Variants in TSHZ2 observed in about 807,000 individuals in gnomAD.
The protein encoded by TSHZ2 is teashirt zinc finger homeobox 2.
A neutral mutation model predicts 74.4 loss-of-function variants in TSHZ2; 21 were observed. That is an observed-to-expected ratio of 0.28 (90% CI 0.20 to 0.41). TSHZ2 has a LOEUF of 0.41. Ranked by LOEUF, TSHZ2 falls within the 10% of genes least tolerant of loss-of-function variation. The pLI is 1.00. For synonymous variants in TSHZ2, 540 were observed against 515.3 expected (o/e 1.05, Z -0.65); for missense variants, 1,244 against 1,293.5 (o/e 0.96, Z 0.59).
chr20:53,027,249 T>C (rs1983479200), intron 1 of TSHZ2, among the ~76,000 whole-genome samples: 1 of 152,218 alleles, frequency 6.6e-6, no homozygotes, highest in Non-Finnish European at 1.5e-5. Context: ...TTAAAATATA[T>C]GCATATGTAT....
At chr20:53,210,724 G>A (rs548595479) in intron 1 of TSHZ2, among the ~76,000 whole-genome samples, 101 of 152,104 alleles carry the variant, frequency 6.6e-4, no homozygotes, top group Non-Finnish European at 8.1e-4. Context: ...GGCTTGATGG[G>A]GGGGCTCTTT....
chr20:52,973,451 G>C (rs1981207668), intron 1 of TSHZ2, 118 bp downstream of exon 1: 13 of 1,337,020 alleles, frequency 9.7e-6, no homozygotes, highest in Non-Finnish European at 1.2e-5. Flanking sequence ...GTTTGCGCCG[G>C]GTGCCCTTCT....
At chr20:53,096,331 C>T (rs573059026) in intron 1 of TSHZ2, among the ~76,000 whole-genome samples, 27 of 152,122 alleles carry the variant, frequency 1.8e-4, no homozygotes, top group Non-Finnish European at 2.8e-4. Flanking sequence ...TTAGTAGAGA[C>T]GGGGTTTCAC....
chr20:53,422,196 A>C (rs1983501021), intron 2 of TSHZ2, among the ~76,000 whole-genome samples: 3 of 152,230 alleles, frequency 2.0e-5, no homozygotes, highest in Non-Finnish European at 4.4e-5. Flanking sequence ...GGTCATATCC[A>C]CAAAGCAAGC....
intron 2 of TSHZ2, among the ~76,000 whole-genome samples, chr20:53,472,900 G>A (rs187078567): frequency 3.4e-4 from 51 of 152,120 alleles, no homozygotes; most frequent in African/African-American, 1.2e-3. Context: ...GGTGACGGAC[G>A]GCACCTGGAA....
At chr20:53,221,829 A>G (rs1247103966) in intron 1 of TSHZ2, among the ~76,000 whole-genome samples, 1 of 152,232 alleles carries the variant, frequency 6.6e-6, no homozygotes, top group African/African-American at 2.4e-5. Flanking sequence ...GATGAAGCTA[A>G]GCCAGAATTT....
At chr20:53,424,885 G>T (rs1275732804) in intron 2 of TSHZ2, among the ~76,000 whole-genome samples, 1 of 152,136 alleles carries the variant, frequency 6.6e-6, no homozygotes, top group Non-Finnish European at 1.5e-5. Context: ...TCCCTGGAAA[G>T]GACATGATCT....
At chr20:53,393,037 C>T (rs535856476) in intron 2 of TSHZ2, among the ~76,000 whole-genome samples, 2 of 152,200 alleles carry the variant, frequency 1.3e-5, no homozygotes, top group East Asian at 3.9e-4. Flanking sequence ...ACCATGTTGC[C>T]CAGGCTAGTC....
At chr20:53,005,512 C>T (rs1035219603) in intron 1 of TSHZ2, among the ~76,000 whole-genome samples, 2 of 152,110 alleles carry the variant, frequency 1.3e-5, no homozygotes, top group African/African-American at 4.8e-5. Context: ...GCAGTAGACA[C>T]ATTGGTTTTA....
intron 1 of TSHZ2, among the ~76,000 whole-genome samples, chr20:52,994,742 CTGAG>C (rs1227740563): frequency 6.6e-6 from 1 of 152,118 alleles, no homozygotes; most frequent in Non-Finnish European, 1.5e-5. Flanking sequence ...GTTGGCCACT[CTGAG>C]TGTTTTTCAC....
intron 1 of TSHZ2, among the ~76,000 whole-genome samples, chr20:53,140,468 A>G (rs1987363593): frequency 7.6e-6 from 1 of 132,336 alleles, no homozygotes; most frequent in South Asian, 2.5e-4. Context: ...TGAACCCGGG[A>G]GGCGGAGTTT....
intron 2 of TSHZ2, among the ~76,000 whole-genome samples, chr20:53,330,254 G>GCCCAGTGCACCCTTTCCGAAGCTTCC (rs1979672329): frequency 6.6e-6 from 1 of 152,078 alleles, no homozygotes; most frequent in South Asian, 2.1e-4. Context: ...GTAAGAAGAA[G>GCCCAGTGCACCCTTTCCGAAGCTTCC]CCCAGTGCAC....
chr20:53,025,390 G>C (rs184020805), intron 1 of TSHZ2, among the ~76,000 whole-genome samples: 132 of 152,286 alleles, frequency 8.7e-4, no homozygotes, highest in Non-Finnish European at 1.5e-3. Context: ...TTAAATGGCT[G>C]TACTAGCTGA....
chr20:53,112,701 TG>T (rs1228559905), intron 1 of TSHZ2, among the ~76,000 whole-genome samples: 2 of 152,096 alleles, frequency 1.3e-5, no homozygotes, highest in Non-Finnish European at 2.9e-5. Context: ...TTTGTAGAGA[TG>T]GGGTTTCACC....
intron 1 of TSHZ2, among the ~76,000 whole-genome samples, chr20:53,247,679 T>C (rs1264565249): frequency 6.6e-6 from 1 of 152,228 alleles, no homozygotes; most frequent in African/African-American, 2.4e-5. Context: ...CTCATTTACG[T>C]CTGCCTTGAA....
intron 2 of TSHZ2, among the ~76,000 whole-genome samples, chr20:53,355,455 C>A (rs879559048): frequency 6.6e-6 from 1 of 152,122 alleles, no homozygotes; most frequent in Non-Finnish European, 1.5e-5. Flanking sequence ...CTTGTTCATA[C>A]TATTATAATG....
chr20:53,198,474 GA>G lies in TSHZ2; in HGVS notation c.41-55022del, dbSNP rs1255026811. On this transcript the variant is annotated intron_variant, in intron 1 of 2. Transcript: ENST00000371497. ...GCAGATAGGGAAATTGAGGAGTAAT[GA>G]AATTGAAATTGAGGTCACATAGCTG... 2.6e-5 allele frequency among the ~76,000 whole-genome samples: 4 copies of G among 152,154 alleles called. No individual in the cohort carries two copies. The East Asian group carries it at 7.7e-4, about 29-fold the overall frequency.
chr20:52,977,159 T>C (rs1339399070), intron 1 of TSHZ2, among the ~76,000 whole-genome samples: 2 of 152,112 alleles, frequency 1.3e-5, no homozygotes, highest in African/African-American at 4.8e-5. Context: ...TGACTCTGAA[T>C]TAACCGGTGA....
intron 1 of TSHZ2, among the ~76,000 whole-genome samples, chr20:53,147,388 A>G (rs1489464155): frequency 1.3e-5 from 2 of 152,212 alleles, no homozygotes; most frequent in Non-Finnish European, 2.9e-5. Context: ...GTATGTTAAC[A>G]GTTTTGTGCT....
Sources: allele counts gnomAD v4.1 joint callset (sites outside exome capture counted in the v4.1 genomes callset), GRCh38; gene constraint gnomAD v4.1.1; transcripts MANE v1.5; gene names NCBI Gene and HGNC (gene_info 2026-07-23, HGNC 2026-07-21).